Variants in SMC6 observed in about 807,000 individuals in gnomAD.
SMC6 encodes structural maintenance of chromosomes protein 6.
A neutral mutation model predicts 142.2 loss-of-function variants in SMC6; 79 were observed. The observed-to-expected ratio is 0.56, with a 90% CI of 0.46 to 0.67. The LOEUF (loss-of-function observed/expected upper bound fraction) is 0.67. Ranked by LOEUF, SMC6 falls within the 30% of genes least tolerant of loss-of-function variation. SMC6 has a pLI of 0.00. For synonymous variants in SMC6, 411 were observed against 412.4 expected, an observed-to-expected ratio of 1.00 and a Z score of 0.04; for missense variants, 1,072 against 1,284.0, an observed-to-expected ratio of 0.83 and a Z score of 2.52.
In SMC6 at chr2:17,718,114, T is replaced by A; in HGVS notation, c.1055A>T (p.Asp352Val). 1.2e-6 allele frequency: 2 copies of A among 1,610,758 alleles called. No individual in the cohort carries two copies. The highest frequency in any genetic ancestry group is 1.7e-6 in the Non-Finnish European group (2 of 1,178,094). Residue 352 changes from aspartate to valine, a missense_variant, in exon 12 of 28, where the codon GAT (aspartate) becomes GTT (valine). Asp to Val is a radical substitution (Grantham distance 152, BLOSUM62 -3). Around this residue, in one of 3 missense-constraint regions of SMC6, gnomAD observed 994 missense variants for 1,153.2 expected, o/e 0.86. Coordinates refer to ENST00000448223, the MANE Select transcript of SMC6 (RefSeq NM_001142286.2). The part of the protein sequence containing the change: ...RAPECMALKA[D>V]VVAKKRAYNE... ...ATAGGCCCTTTTCTTAGCAACAACA[T>A]CTGCTTTCAATGCCATACATTCTGG...
chr2:17,733,053 G>C (rs1669985580), intron 5 of SMC6, among the ~76,000 whole-genome samples: 1 of 152,216 alleles, frequency 6.6e-6, no homozygotes, highest in Non-Finnish European at 1.5e-5. Context: ...GTTCATATGA[G>C]CATCTGTCAA....
intron 2 of SMC6, among the ~76,000 whole-genome samples, chr2:17,752,277 G>C (rs1212818377): frequency 6.6e-6 from 1 of 152,064 alleles, no homozygotes; most frequent in Non-Finnish European, 1.5e-5. Context: ...GTTATCTCTA[G>C]ATTACTTATA....
At chr2:17,707,689 T>C (rs1346353873) in intron 17 of SMC6, among the ~76,000 whole-genome samples, 1 of 152,108 alleles carries the variant, frequency 6.6e-6, no homozygotes, top group African/African-American at 2.4e-5. Flanking sequence ...TGCTTTTTAA[T>C]GTGAAAATAT....
rs370938380 is a variant in SMC6 at position 17,731,727 on chromosome 2, G to A, written c.481+14C>T. ...TAATATTTTATAAGAAATGAAAAGA[G>A]AATCAAAACAAACCTGTTGCACTTT... On this transcript the variant is annotated intron_variant, in intron 6 of 27. Transcript: ENST00000448223. 3.1e-6 allele frequency: 5 copies of A among 1,605,280 alleles called. No individual in the cohort carries two copies. In the African/African-American group the frequency reaches 6.7e-5, roughly 22 times the overall value.
Position 17,715,032 on chromosome 2 carries a change from GC to G in SMC6, c.1558del (p.Ala520LeufsTer8). On this transcript the variant is annotated frameshift_variant, in exon 16 of 28. Transcript: ENST00000448223. LOFTEE classifies it high-confidence loss of function. ...TTTTAAGCAAGATTCAATAGCCAAAGCAAGTTCTGGGTCCCGAAGATGAATG... is the reference window on the plus strand; with the variant it reads ...TTTTAAGCAAGATTCAATAGCCAAAGAAGTTCTGGGTCCCGAAGATGAATG... ...ACIHLRDPEL[A>X]LAIESCLKGL... is the part of the protein sequence containing the mutation. 2 of 1,613,792 alleles carry G rather than the reference GC, an allele frequency of 1.2e-6. No individual in the cohort carries two copies. The highest frequency in any genetic ancestry group is 1.7e-6 in the Non-Finnish European group (2 of 1,179,904).
At chr2:17,720,518 G>A (rs1212583018) in intron 11 of SMC6, among the ~76,000 whole-genome samples, 1 of 152,160 alleles carries the variant, frequency 6.6e-6, no homozygotes, top group Non-Finnish European at 1.5e-5. Flanking sequence ...TCTGGGCATT[G>A]TTTTCAGTTC....
At chr2:17,725,485 G>T in intron 8 of SMC6, 127 bp from the exon 9 acceptor site, 1 of 581,986 alleles carries the variant, frequency 1.7e-6, no homozygotes, top group Non-Finnish European at 2.9e-6. Context: ...CATTAAAAAC[G>T]TAAGCAATCA....
intron 11 of SMC6, among the ~76,000 whole-genome samples, chr2:17,720,137 C>T (rs1473020968): frequency 6.6e-6 from 1 of 152,146 alleles, no homozygotes; most frequent in Admixed American, 6.6e-5. Flanking sequence ...TACTAAAACC[C>T]AGTGAATTAT....
chr2:17,749,556 C>T (rs1354563484), intron 2 of SMC6, among the ~76,000 whole-genome samples: 3 of 148,282 alleles, frequency 2.0e-5, no homozygotes, highest in East Asian at 1.9e-4. Flanking sequence ...GGCGTGGTGG[C>T]GCGCGCCTAT....
chr2:17,668,637 TC>T, intron 26 of SMC6, among the ~76,000 whole-genome samples: 1 of 152,240 alleles, frequency 6.6e-6, no homozygotes, highest in South Asian at 2.1e-4. Flanking sequence ...CAAAGGAAGT[TC>T]TGAGAAGTTC....
At chr2:17,693,878 T>C (rs1347310721) in intron 23 of SMC6, among the ~76,000 whole-genome samples, 1 of 150,508 alleles carries the variant, frequency 6.6e-6, no homozygotes. Flanking sequence ...TGCCTGTCTG[T>C]AATCCCAGCT....
chr2:17,722,177 C>T (rs1669402328), intron 9 of SMC6, among the ~76,000 whole-genome samples: 1 of 151,978 alleles, frequency 6.6e-6, no homozygotes, highest in South Asian at 2.1e-4. Flanking sequence ...CATATTCCCT[C>T]ATTCATTCCC....
intron 5 of SMC6, among the ~76,000 whole-genome samples, chr2:17,733,520 T>C (rs2125051231): frequency 6.6e-6 from 1 of 152,352 alleles, no homozygotes; most frequent in East Asian, 1.9e-4. Context: ...GATATCTACA[T>C]TAAGGAAAAT....
chr2:17,709,749 G>A (rs1446021933), intron 16 of SMC6, among the ~76,000 whole-genome samples: 3 of 152,122 alleles, frequency 2.0e-5, no homozygotes, highest in African/African-American at 7.2e-5. Context: ...AGCTTATGGT[G>A]CTTTTTTACA....
At chr2:17,694,508 C>T (rs1667898959) in intron 23 of SMC6, among the ~76,000 whole-genome samples, 1 of 152,124 alleles carries the variant, frequency 6.6e-6, no homozygotes, top group South Asian at 2.1e-4. Context: ...TGTTGACATA[C>T]CACTAAATGC....
At chr2:17,749,557 G>A (rs1351540117) in intron 2 of SMC6, among the ~76,000 whole-genome samples, 4 of 148,304 alleles carry the variant, frequency 2.7e-5, no homozygotes, top group African/African-American at 5.3e-5. Context: ...GCGTGGTGGC[G>A]CGCGCCTATA....
chr2:17,688,286 T>C (rs1212088292), intron 23 of SMC6, among the ~76,000 whole-genome samples: 1 of 151,304 alleles, frequency 6.6e-6, no homozygotes, highest in Admixed American at 6.6e-5. Flanking sequence ...TGAAATATTT[T>C]GTTATGTCAC....
intron 23 of SMC6, among the ~76,000 whole-genome samples, chr2:17,694,801 T>A (rs1667913797): frequency 6.6e-6 from 1 of 152,176 alleles, no homozygotes; most frequent in South Asian, 2.1e-4. Context: ...CCTAGAATAT[T>A]AGTGTTATTT....
At chr2:17,696,090 G>A (rs980060015) in intron 22 of SMC6, among the ~76,000 whole-genome samples, 199 bp downstream of exon 22, 2 of 152,172 alleles carry the variant, frequency 1.3e-5, no homozygotes, top group Non-Finnish European at 2.9e-5. Context: ...AGGACTGTCA[G>A]AGTCTTGCCT....
Sources: gnomAD v4.1 joint callset for allele counts (sites outside exome capture counted in the v4.1 genomes callset) on GRCh38, gnomAD v4.1.1 for gene constraint, gnomAD v4.1.1 regional missense constraint, MANE v1.5 for transcripts, NCBI Gene and HGNC (gene_info 2026-07-23, HGNC 2026-07-21) for gene names.